Variants in DAB1 observed in about 807,000 individuals in gnomAD.
DAB1 encodes the protein disabled homolog 1.
Under a neutral mutation model 64.6 loss-of-function variants are expected in DAB1, and 15 were observed. The ratio of observed to expected loss-of-function variants is 0.23; its 90% CI spans 0.16 to 0.36. DAB1 has a LOEUF of 0.36. Ranked by LOEUF, DAB1 falls within the 10% of genes least tolerant of loss-of-function variation. The pLI is 1.00. For synonymous variants in DAB1, 235 were observed against 251.9 expected, an observed-to-expected ratio of 0.93 and a Z score of 0.64; for missense variants, 596 against 706.7, an observed-to-expected ratio of 0.84 and a Z score of 1.78.
At chr1:58,414,977 G>A (rs1166948843) in intron 3 of DAB1, among the ~76,000 whole-genome samples, 2 of 152,122 alleles carry the variant, frequency 1.3e-5, no homozygotes, top group African/African-American at 4.8e-5. Context: ...GTAATACTTG[G>A]TATTATGGAC....
intron 7 of DAB1, among the ~76,000 whole-genome samples, chr1:57,550,811 T>C (rs1382572357): frequency 6.6e-6 from 1 of 152,240 alleles, no homozygotes; most frequent in East Asian, 1.9e-4. Flanking sequence ...GTTTAGTATC[T>C]TGTCTGAGTC....
intron 2 of DAB1, among the ~76,000 whole-genome samples, chr1:57,182,348 T>C (rs1207828985): frequency 6.6e-6 from 1 of 152,182 alleles, no homozygotes; most frequent in Non-Finnish European, 1.5e-5. Context: ...CTCTTGAACA[T>C]TGAAGGAATT....
intron 1 of DAB1, among the ~76,000 whole-genome samples, chr1:57,859,717 G>T (rs1653921053): frequency 6.6e-6 from 1 of 152,038 alleles, no homozygotes; most frequent in Non-Finnish European, 1.5e-5. Context: ...GGGCTCTCTT[G>T]GTATCTGAGA....
chr1:57,178,136 A>G (rs1014289140), intron 2 of DAB1, among the ~76,000 whole-genome samples: 33 of 152,246 alleles, frequency 2.2e-4, no homozygotes, highest in African/African-American at 7.7e-4. Flanking sequence ...ACATTAACTC[A>G]CTGTTTGTAA....
chr1:57,362,186 T>C (rs1348724402), intron 1 of DAB1, among the ~76,000 whole-genome samples: 1 of 152,166 alleles, frequency 6.6e-6, no homozygotes, highest in Admixed American at 6.5e-5. Context: ...GTCCTTAACC[T>C]ATGTGAACCT....
intron 4 of DAB1, among the ~76,000 whole-genome samples, chr1:58,255,193 T>C (rs1355134142): frequency 6.8e-6 from 1 of 148,036 alleles, no homozygotes; most frequent in East Asian, 2.0e-4. Context: ...GCTGCATAAA[T>C]GTCTTCTTTT....
At chr1:58,410,363 T>C (rs1331226697) in intron 3 of DAB1, among the ~76,000 whole-genome samples, 1 of 152,220 alleles carries the variant, frequency 6.6e-6, no homozygotes, top group Non-Finnish European at 1.5e-5. Flanking sequence ...AGGGAATGGC[T>C]CCTTCATCCT....
Position 57,032,448 on chromosome 1 carries a change from T to C in DAB1, c.724-6405A>G, listed in dbSNP as rs567601985. On this transcript the variant is annotated intron_variant, in intron 9 of 14. Coordinates refer to ENST00000371236, the MANE Select transcript of DAB1 (RefSeq NM_001365792.1). ...CATCTCAGGGTCTGACATGTGCTCC[T>C]CCTCCCACCTAGAACACTCATTCCT... Among the ~76,000 whole-genome samples the C allele has an allele frequency of 9.2e-5, 14 of 152,244 alleles. 1 individual carries two copies. In the South Asian group the frequency reaches 2.9e-3, roughly 32 times the overall value.
intron 4 of DAB1, among the ~76,000 whole-genome samples, chr1:57,125,981 A>T (rs1218133464): frequency 6.6e-6 from 1 of 152,180 alleles, no homozygotes; most frequent in East Asian, 1.9e-4. Flanking sequence ...AGCTGATCAC[A>T]TGCCAGGAGG....
chr1:57,294,094 C>T (rs1195441132), intron 1 of DAB1, among the ~76,000 whole-genome samples: 3 of 152,154 alleles, frequency 2.0e-5, no homozygotes, highest in African/African-American at 7.2e-5. Flanking sequence ...TGAAGTAACT[C>T]CAAATTATTT....
chr1:57,033,785 A>T (rs901559001), intron 9 of DAB1, among the ~76,000 whole-genome samples: 1 of 152,184 alleles, frequency 6.6e-6, no homozygotes, highest in African/African-American at 2.4e-5. Flanking sequence ...AGCAATGGTA[A>T]ATTTGTAAGT....
At chr1:58,192,957 G>C (rs2100236064) in intron 4 of DAB1, among the ~76,000 whole-genome samples, 1 of 152,202 alleles carries the variant, frequency 6.6e-6, no homozygotes, top group South Asian at 2.1e-4. Context: ...AAATGATTAG[G>C]ATGGTAAATT....
At chr1:57,397,343 C>T (rs933141884) in intron 1 of DAB1, among the ~76,000 whole-genome samples, 4 of 152,180 alleles carry the variant, frequency 2.6e-5, no homozygotes, top group Non-Finnish European at 4.4e-5. Context: ...ATACACTCAT[C>T]CCCACCAACA....
intron 4 of DAB1, among the ~76,000 whole-genome samples, chr1:58,280,633 A>G (rs1266055962): frequency 6.6e-6 from 1 of 152,248 alleles, no homozygotes; most frequent in Admixed American, 6.5e-5. Context: ...TCTAAATCCT[A>G]CCTGGCACTT....
chr1:58,542,767 C>T (rs1646641620), intron 1 of DAB1, among the ~76,000 whole-genome samples: 1 of 152,184 alleles, frequency 6.6e-6, no homozygotes, highest in South Asian at 2.1e-4. Context: ...AAATGTGCAT[C>T]TTACAGCCTC....
At chr1:57,070,864 A>G in intron 7 of DAB1, 159 bp downstream of exon 7, 1 of 686,858 alleles carries the variant, frequency 1.5e-6, no homozygotes, top group South Asian at 1.7e-5. Context: ...TTTTATGGAA[A>G]TTTGCTCCTG....
At chr1:58,323,522 C>G (rs1557731324) in intron 4 of DAB1, among the ~76,000 whole-genome samples, 1 of 152,060 alleles carries the variant, frequency 6.6e-6, no homozygotes, top group Non-Finnish European at 1.5e-5. Flanking sequence ...CATCATAACA[C>G]CACTCTATTT....
At chr1:57,346,815 T>A (rs1405866335) in intron 1 of DAB1, among the ~76,000 whole-genome samples, 1 of 152,194 alleles carries the variant, frequency 6.6e-6, no homozygotes, top group African/African-American at 2.4e-5. Flanking sequence ...GAGGCTCTTT[T>A]TAAGTCTCAT....
Position 57,494,453 on chromosome 1 carries a change from A to G in DAB1, n.625+155139T>C, listed in dbSNP as rs1644205554. 2.6e-5 allele frequency among the ~76,000 whole-genome samples: 4 copies of G among 152,274 alleles called. No homozygotes were observed. The South Asian group carries it at 8.3e-4, about 32-fold the overall frequency. ...ATCACATTAACGTTTAATGTGCCCAAGTGCAGCTGAAAGATGTTTCCTCTC... is the reference window on the plus strand; with the variant it reads ...ATCACATTAACGTTTAATGTGCCCAGGTGCAGCTGAAAGATGTTTCCTCTC... On this transcript the variant is annotated intron_variant and non_coding_transcript_variant, in intron 7 of 20. Coordinates refer to the DAB1 transcript ENST00000485760.
Sources: allele counts gnomAD v4.1 joint callset (sites outside exome capture counted in the v4.1 genomes callset), GRCh38; gene constraint gnomAD v4.1.1; transcripts MANE v1.5; gene names NCBI Gene and HGNC (gene_info 2026-07-23, HGNC 2026-07-21).